SMAD3: variants seen among roughly 807,000 people sequenced by gnomAD.
The protein encoded by SMAD3 is SMAD family member 3, also known as MAD homolog 3.
SMAD3 carries 12 observed loss-of-function variants against 51.8 expected under a neutral mutation model. The observed-to-expected ratio is 0.23, with a 90% CI of 0.15 to 0.38. SMAD3 has a LOEUF of 0.38. Ranked by LOEUF, SMAD3 falls within the 10% of genes least tolerant of loss-of-function variation. SMAD3 has a pLI of 1.00. For missense variants in SMAD3, 294 were observed against 565.6 expected (o/e 0.52, Z 4.87); for synonymous variants, 238 against 227.7 (o/e 1.05, Z -0.41).
chr15:67,155,590 C>T (rs1414291418), intron 1 of SMAD3, among the ~76,000 whole-genome samples: 2 of 152,102 alleles, frequency 1.3e-5, no homozygotes, highest in African/African-American at 4.8e-5. Context: ...CCAGAAGGTC[C>T]GATGGAATGA....
chr15:67,093,748 A>G (rs549526769), intron 1 of SMAD3, among the ~76,000 whole-genome samples: 1 of 152,332 alleles, frequency 6.6e-6, no homozygotes, highest in Non-Finnish European at 1.5e-5. Flanking sequence ...GCGAGGTAGC[A>G]CTGGTTGGGA....
At position 67,192,145 on chromosome 15, in the gene SMAD3, A is replaced by T. The variant is rs1963382496; in HGVS notation, c.*1609A>T. The T allele has an allele frequency of 4.3e-6, 1 of 232,792 alleles. No homozygotes were observed. The highest frequency in any genetic ancestry group is 1.8e-4 in the South Asian group (1 of 5,532). The allele number at this position is 232,792 out of a possible 1,614,324, so 14.4% of individuals were successfully genotyped here. ...ATTCCAGGTGAAGGGAAGGAAGTGT[A>T]TATACTTTTGGCAAGTCATACAGCT... On this transcript the variant is annotated 3_prime_UTR_variant, in exon 9 of 9. Transcript: ENST00000327367.
rs867587995 is a variant in SMAD3 at position 67,115,232 on chromosome 15, T to C, written c.206+48872T>C. On this transcript the variant is annotated intron_variant, in intron 1 of 8. Transcript: ENST00000327367. ...GCACCTTAGTGCTTCATTACAAAGA[T>C]GATGAGACGTAGGAAAGTCTTTTTT... is the stretch of plus-strand genomic sequence containing the variant. Among the ~76,000 whole-genome samples, 25 of 148,776 alleles carry C rather than the reference T, an allele frequency of 1.7e-4. 1 individual carries two copies. Among genetic ancestry groups the C allele is most frequent in the African/African-American group, 5.4e-4 (22 of 41,112 alleles).
intron 1 of SMAD3, chr15:67,138,157 C>G: frequency 7.5e-7 from 1 of 1,332,668 alleles, no homozygotes; most frequent in South Asian, 1.3e-5. Context: ...TCTCCCCACC[C>G]GTCCACAGGG....
At chr15:67,103,337 G>A (rs974337322) in intron 1 of SMAD3, among the ~76,000 whole-genome samples, 2 of 152,186 alleles carry the variant, frequency 1.3e-5, no homozygotes, top group Non-Finnish European at 2.9e-5. Flanking sequence ...CACATCACTC[G>A]ACAAGGGGAT....
At chr15:67,084,066 T>C (rs1028560653) in intron 1 of SMAD3, among the ~76,000 whole-genome samples, 178 of 126,920 alleles carry the variant, frequency 1.4e-3, no homozygotes, top group African/African-American at 5.3e-3. Flanking sequence ...TTTTCTTTTT[T>C]TTTCTTTTTT....
intron 1 of SMAD3, among the ~76,000 whole-genome samples, chr15:67,086,109 G>C (rs1031937229): frequency 1.3e-5 from 2 of 150,684 alleles, no homozygotes; most frequent in Non-Finnish European, 3.0e-5. Flanking sequence ...GGTGCAGGGG[G>C]GTGGAGCTGG....
intron 1 of SMAD3, among the ~76,000 whole-genome samples, chr15:67,100,882 A>G (rs2140224101): frequency 6.6e-6 from 1 of 152,314 alleles, no homozygotes; most frequent in South Asian, 2.1e-4. Flanking sequence ...TTTGGCTTCT[A>G]GCCTCCTCAC....
intron 1 of SMAD3, chr15:67,098,581 C>A: frequency 2.5e-6 from 1 of 401,826 alleles, no homozygotes; most frequent in Non-Finnish European, 4.6e-6. Context: ...AACAGCTTGG[C>A]AGCACAGAGG....
At chr15:67,097,855 C>T (rs974213840) in intron 1 of SMAD3, among the ~76,000 whole-genome samples, 28 of 152,186 alleles carry the variant, frequency 1.8e-4, no homozygotes, top group East Asian at 3.9e-4. Context: ...TCTGTGAGTA[C>T]GATTCTAGGG....
intron 1 of SMAD3, among the ~76,000 whole-genome samples, chr15:67,092,426 G>A (rs531505461): frequency 6.6e-6 from 1 of 152,338 alleles, no homozygotes; most frequent in African/African-American, 2.4e-5. Flanking sequence ...CTCAAAGTGT[G>A]GCCCTGGGCC....
intron 1 of SMAD3, chr15:67,146,783 T>C (rs1961986120): frequency 6.6e-6 from 1 of 152,120 alleles, no homozygotes; most frequent in Non-Finnish European, 1.5e-5. Context: ...GGGTCAGTGT[T>C]TGTAGAAAAA....
At chr15:67,075,561 C>G (rs1200362790) in intron 1 of SMAD3, among the ~76,000 whole-genome samples, 2 of 152,174 alleles carry the variant, frequency 1.3e-5, no homozygotes, top group Admixed American at 6.5e-5. Flanking sequence ...TTTGCTTCAA[C>G]TTATTGAGCC....
At chr15:67,138,508 A>G in intron 1 of SMAD3, 1 of 162,138 alleles carries the variant, frequency 6.2e-6, no homozygotes, top group Non-Finnish European at 1.4e-5. Context: ...ACCCAGGGGA[A>G]CTGAATTCAT....
At chr15:67,086,642 G>C (rs1346252864) in intron 1 of SMAD3, among the ~76,000 whole-genome samples, 1 of 152,182 alleles carries the variant, frequency 6.6e-6, no homozygotes, top group Non-Finnish European at 1.5e-5. Context: ...ACACATGCCA[G>C]ATGTAGGTTG....
intron 1 of SMAD3, chr15:67,126,069 C>A: frequency 1.6e-6 from 1 of 617,864 alleles, no homozygotes; most frequent in Non-Finnish European, 2.0e-6. Flanking sequence ...GACACACACT[C>A]CCTGAGTCCT....
chr15:67,175,976 C>T (rs1034857021), intron 5 of SMAD3, among the ~76,000 whole-genome samples: 6 of 152,188 alleles, frequency 3.9e-5, no homozygotes, highest in Admixed American at 6.5e-5. Flanking sequence ...AGTCAGCTGT[C>T]GGCTCTGTCT....
intron 1 of SMAD3, chr15:67,143,000 T>C (rs1195461034): frequency 3.9e-6 from 1 of 256,998 alleles, no homozygotes; most frequent in Admixed American, 4.8e-5. Flanking sequence ...CCAGACGTCC[T>C]TGCTGGAGAG....
intron 1 of SMAD3, among the ~76,000 whole-genome samples, chr15:67,104,441 G>A (rs56336169): frequency 0.098 from 14,877 of 152,226 alleles, 810 homozygotes; most frequent in Middle Eastern, 0.13. Context: ...TGTGTTCCCC[G>A]GCATTCTGCA....
Sources: gnomAD v4.1 joint callset for allele counts (sites outside exome capture counted in the v4.1 genomes callset) on GRCh38, gnomAD v4.1.1 for gene constraint, MANE v1.5 for transcripts, NCBI Gene and HGNC (gene_info 2026-07-23, HGNC 2026-07-21) for gene names.